Variants in ANXA4 observed in about 807,000 individuals in gnomAD.
ANXA4 encodes the protein 35-beta calcimedin.
ANXA4 carries 39 observed loss-of-function variants against 49.8 expected under a neutral mutation model. That is an observed-to-expected ratio of 0.78 (90% CI 0.61 to 1.02). The LOEUF (loss-of-function observed/expected upper bound fraction) is 1.02, where lower values mean the gene tolerates loss of function less well. ANXA4 is among the 50% of genes least tolerant of loss of function. The pLI is 0.00. For missense variants in ANXA4, 360 were observed against 410.1 expected (o/e 0.88, Z 1.05); for synonymous variants, 134 against 152.5 (o/e 0.88, Z 0.89).
At chr2:69,806,603 G>A (rs1286451416) in intron 5 of ANXA4, 105 bp downstream of exon 5, 11 of 840,124 alleles carry the variant, frequency 1.3e-5, no homozygotes, top group South Asian at 1.5e-5. Flanking sequence ...CAACCTAAAC[G>A]CCCATCAATG....
chr2:69,825,107 A>G (rs973036523), intron 12 of ANXA4, among the ~76,000 whole-genome samples: 6 of 151,478 alleles, frequency 4.0e-5, no homozygotes, highest in African/African-American at 1.5e-4. Context: ...ACAAAAATGA[A>G]CAAAATAGGG....
chr2:69,715,930 A>G (rs987913691), intron 2 of ANXA4, among the ~76,000 whole-genome samples: 1 of 152,156 alleles, frequency 6.6e-6, no homozygotes, highest in Non-Finnish European at 1.5e-5. Context: ...AGGCATGGTC[A>G]ATCACAACAC....
chr2:69,697,047 C>T (rs1347991028), intron 2 of ANXA4, among the ~76,000 whole-genome samples: 4 of 152,184 alleles, frequency 2.6e-5, no homozygotes, highest in Admixed American at 1.3e-4. Context: ...ACAAGAGAGT[C>T]GCCTGTCCTT....
chr2:69,722,613 G>A (rs1669843898), intron 3 of ANXA4, among the ~76,000 whole-genome samples: 1 of 152,020 alleles, frequency 6.6e-6, no homozygotes, highest in South Asian at 2.1e-4. Context: ...TAGGGTCTCG[G>A]GGGAGGTAGG....
intron 1 of ANXA4, among the ~76,000 whole-genome samples, chr2:69,769,452 CT>C (rs1056453582): frequency 3.9e-5 from 6 of 152,138 alleles, no homozygotes; most frequent in Non-Finnish European, 7.4e-5. Flanking sequence ...AATTACACAA[CT>C]TTTCTCAGTT....
In ANXA4 at chr2:69,769,162, CT is replaced by C. The variant is rs1671615973; in HGVS notation, c.-46-12355del. ...CATTTATAAAGCGTATTAGAATATT[CT>C]TTGATTTATGCACTATTCGAAGCTT... On this transcript the variant is annotated intron_variant, in intron 1 of 12. Transcript: ENST00000394295. Among the ~76,000 whole-genome samples the C allele has an allele frequency of 2.0e-5, 3 of 152,142 alleles. No homozygotes were observed. In the South Asian group the frequency reaches 6.2e-4, roughly 32 times the overall value.
At chr2:69,783,496 TG>T (rs1672286351) in intron 2 of ANXA4, among the ~76,000 whole-genome samples, 1 of 152,238 alleles carries the variant, frequency 6.6e-6, no homozygotes, top group Admixed American at 6.5e-5. Context: ...ATTACGGGCG[TG>T]AGCCACCGCG....
At chr2:69,643,865 C>A, upstream of ANXA4, 1 of 1,177,460 alleles carries the variant, frequency 8.5e-7, no homozygotes, top group Middle Eastern at 3.4e-4. Flanking sequence ...CTGCAACCGC[C>A]GTTCTGTCGC....
chr2:69,656,322 T>C (rs1340814641), intron 2 of ANXA4, among the ~76,000 whole-genome samples: 11 of 83,978 alleles, frequency 1.3e-4, no homozygotes, highest in East Asian at 1.1e-3. Flanking sequence ...TGTATATATA[T>C]GTATATATAT....
chr2:69,776,475 T>G (rs868023928), intron 1 of ANXA4, among the ~76,000 whole-genome samples: 2 of 152,256 alleles, frequency 1.3e-5, no homozygotes, highest in African/African-American at 2.4e-5. Flanking sequence ...CCTTATACTT[T>G]AACACTTTTT....
chr2:69,804,952 G>A (rs189092422), intron 4 of ANXA4, among the ~76,000 whole-genome samples: 145 of 149,222 alleles, frequency 9.7e-4, no homozygotes, highest in Middle Eastern at 3.5e-3. Context: ...GTAGGTTGAG[G>A]CAGGAGAATT....
intron 1 of ANXA4, among the ~76,000 whole-genome samples, chr2:69,760,123 C>T (rs1334399147): frequency 1.3e-5 from 2 of 152,140 alleles, no homozygotes; most frequent in Non-Finnish European, 2.9e-5. Flanking sequence ...TGAGCCACCA[C>T]GCCCGGCCTG....
At chr2:69,772,789 C>A (rs1285701915) in intron 1 of ANXA4, among the ~76,000 whole-genome samples, 3 of 152,032 alleles carry the variant, frequency 2.0e-5, no homozygotes, top group Non-Finnish European at 2.9e-5. Flanking sequence ...GAGGCCGAGG[C>A]GGGCAGATCA....
intron 3 of ANXA4, among the ~76,000 whole-genome samples, chr2:69,726,275 C>T (rs1669961121): frequency 6.6e-6 from 1 of 152,198 alleles, no homozygotes; most frequent in African/African-American, 2.4e-5. Flanking sequence ...TTACCTTCTG[C>T]CATAATTGTA....
At chr2:69,777,642 T>A (rs1672014031) in intron 1 of ANXA4, among the ~76,000 whole-genome samples, 1 of 152,222 alleles carries the variant, frequency 6.6e-6, no homozygotes, top group Non-Finnish European at 1.5e-5. Flanking sequence ...TTGCCCTTGT[T>A]CACAATGCTT....
At chr2:69,806,328 G>C in intron 4 of ANXA4, 57 bp from the exon 5 acceptor site, 1 of 1,280,332 alleles carries the variant, frequency 7.8e-7, no homozygotes, top group South Asian at 1.2e-5. Flanking sequence ...CACACCTGGA[G>C]AGTAGCTGGT....
At chr2:69,818,561 T>C in intron 9 of ANXA4, 38 bp from the exon 10 acceptor site, 1 of 1,425,040 alleles carries the variant, frequency 7.0e-7, no homozygotes, top group Non-Finnish European at 9.7e-7. Flanking sequence ...TTCCTCTGTT[T>C]TTTCTTCCCA....
intron 1 of ANXA4, among the ~76,000 whole-genome samples, chr2:69,776,844 C>T (rs1671979145): frequency 1.3e-5 from 2 of 152,106 alleles, no homozygotes; most frequent in Admixed American, 6.5e-5. Flanking sequence ...GGCCCACGAG[C>T]CACAGGTTGG....
chr2:69,673,985 A>C (rs1677300034), intron 2 of ANXA4: 1 of 152,476 alleles, frequency 6.6e-6, no homozygotes, highest in African/African-American at 2.4e-5. Flanking sequence ...GGGTCCCGTC[A>C]CACATTCCCC....
Sources: allele counts gnomAD v4.1 joint callset (sites outside exome capture counted in the v4.1 genomes callset), GRCh38; gene constraint gnomAD v4.1.1; transcripts MANE v1.5; gene names NCBI Gene and HGNC (gene_info 2026-07-23, HGNC 2026-07-21).